Variants in RIMS1 observed in about 807,000 individuals in gnomAD.
RIMS1 encodes regulating synaptic membrane exocytosis protein 1.
A neutral mutation model predicts 214.1 loss-of-function variants in RIMS1; 83 were observed. The ratio of observed to expected loss-of-function variants is 0.39; its 90% CI spans 0.32 to 0.47. The LOEUF (loss-of-function observed/expected upper bound fraction) is 0.47. RIMS1 is among the 20% of genes least tolerant of loss of function. The pLI, the probability that RIMS1 is intolerant of heterozygous loss-of-function variation, is 0.99. For synonymous variants in RIMS1, 793 were observed against 786.8 expected, an observed-to-expected ratio of 1.01 and a Z score of -0.13; for missense variants, 2,050 against 2,161.8, an observed-to-expected ratio of 0.95 and a Z score of 1.03.
chr6:72,180,054 G>A, intron 5 of RIMS1, 139 bp downstream of exon 5: 1 of 530,520 alleles, frequency 1.9e-6, no homozygotes, highest in Non-Finnish European at 3.2e-6. Context: ...CAAAAGGCCT[G>A]AGGGGCGTTG....
intron 2 of RIMS1, among the ~76,000 whole-genome samples, chr6:71,992,404 C>CTCTCTCTTTCTTTCTTTCTT (rs1252103778): frequency 7.1e-4 from 78 of 110,152 alleles, no homozygotes; most frequent in Non-Finnish European, 1.2e-3. Context: ...TTCTCTCTCT[C>CTCTCTCTTTCTTTCTTTCTT]TCTTTCTTTC....
In RIMS1 at chr6:72,124,363, C is replaced by T. The variant is rs980513203; in HGVS notation, c.471+24377C>T. 7.9e-5 allele frequency among the ~76,000 whole-genome samples: 12 copies of T among 151,858 alleles called. 1 individual carries two copies. Among genetic ancestry groups the T allele is most frequent in the South Asian group, 4.1e-4 (2 of 4,824 alleles). ...ATCCACTGTTAGTCTAATGGGCTTCCCTTTGTGGGTAACCCGACCTTTCTC... is the reference window on the plus strand; with the variant it reads ...ATCCACTGTTAGTCTAATGGGCTTCTCTTTGTGGGTAACCCGACCTTTCTC... On this transcript the variant is annotated intron_variant, in intron 4 of 33. Transcript: ENST00000521978.
At chr6:72,279,824 T>C (rs1182617457) in intron 23 of RIMS1, among the ~76,000 whole-genome samples, 1 of 151,946 alleles carries the variant, frequency 6.6e-6, no homozygotes, top group Non-Finnish European at 1.5e-5. Context: ...GGACTAAGTT[T>C]CCTCATCTCT....
chr6:72,293,706 A>G (rs2093724493), intron 26 of RIMS1, among the ~76,000 whole-genome samples: 1 of 151,896 alleles, frequency 6.6e-6, no homozygotes, highest in East Asian at 1.9e-4. Flanking sequence ...TTATTTCTGT[A>G]GAAATAAGAA....
At chr6:72,053,878 C>T (rs1196606765) in intron 2 of RIMS1, among the ~76,000 whole-genome samples, 1 of 151,972 alleles carries the variant, frequency 6.6e-6, no homozygotes, top group Non-Finnish European at 1.5e-5. Context: ...AGTATTGAAA[C>T]CAGTCCCCAA....
At chr6:72,385,184 T>A (rs1032842377) in intron 29 of RIMS1, among the ~76,000 whole-genome samples, 2 of 152,230 alleles carry the variant, frequency 1.3e-5, no homozygotes, top group Non-Finnish European at 2.9e-5. Flanking sequence ...AGACTTTATG[T>A]CTTTATAAGG....
intron 2 of RIMS1, among the ~76,000 whole-genome samples, chr6:72,082,701 A>T (rs1833709524): frequency 6.6e-6 from 1 of 152,174 alleles, no homozygotes; most frequent in Non-Finnish European, 1.5e-5. Flanking sequence ...TATCTTCATT[A>T]TACCCTCACT....
At chr6:72,012,265 G>A (rs1233011849) in intron 2 of RIMS1, among the ~76,000 whole-genome samples, 2 of 152,070 alleles carry the variant, frequency 1.3e-5, no homozygotes, top group Non-Finnish European at 2.9e-5. Flanking sequence ...TCACTCATAG[G>A]TGGGAATTGA....
chr6:72,011,398 C>T (rs1353528173), intron 2 of RIMS1, among the ~76,000 whole-genome samples: 1 of 152,136 alleles, frequency 6.6e-6, no homozygotes, highest in South Asian at 2.1e-4. Flanking sequence ...CTAGGCAATA[C>T]CATTCAAGAC....
At chr6:72,084,724 A>G (rs1376741112) in intron 2 of RIMS1, among the ~76,000 whole-genome samples, 1 of 152,176 alleles carries the variant, frequency 6.6e-6, no homozygotes, top group Non-Finnish European at 1.5e-5. Context: ...AATTAAAAAT[A>G]AATGCTTGAC....
intron 23 of RIMS1, among the ~76,000 whole-genome samples, chr6:72,280,234 C>G (rs1591757389): frequency 1.3e-5 from 2 of 151,904 alleles, no homozygotes; most frequent in African/African-American, 4.8e-5. Flanking sequence ...ATAATCCAAA[C>G]AGACACAATT....
Position 72,179,718 on chromosome 6 carries a change from A to G in RIMS1, c.615A>G (p.Pro205=). The part of the protein sequence containing the change: ...DTATGAGSEV[P]REKKARLQER... ...CTACAGGTGCTGGCTCTGAGGTACCAAGAGAAAAGAAAGCACGACTCCAAG... is the reference window on the plus strand; with the variant it reads ...CTACAGGTGCTGGCTCTGAGGTACCGAGAGAAAAGAAAGCACGACTCCAAG... Residue 205 remains proline (P), a synonymous_variant, in exon 5 of 34, where the codon CCA becomes CCG. Coordinates refer to ENST00000521978, the MANE Select transcript of RIMS1 (RefSeq NM_014989.7). 6.2e-7 allele frequency: 1 copy of G among 1,613,926 alleles called. No individual in the cohort carries two copies.
intron 4 of RIMS1, among the ~76,000 whole-genome samples, chr6:72,175,602 G>A (rs1375389481): frequency 6.6e-6 from 1 of 152,014 alleles, no homozygotes; most frequent in Non-Finnish European, 1.5e-5. Context: ...GAACCCAAGA[G>A]GCGGAGGTTG....
intron 29 of RIMS1, among the ~76,000 whole-genome samples, chr6:72,336,662 A>G (rs185734411): frequency 3.8e-4 from 58 of 151,860 alleles, no homozygotes; most frequent in African/African-American, 1.3e-3. Flanking sequence ...TATGTGTAAA[A>G]TTTTATGCTT....
intron 2 of RIMS1, among the ~76,000 whole-genome samples, chr6:72,001,071 A>C (rs1420709102): frequency 6.6e-6 from 1 of 152,170 alleles, no homozygotes; most frequent in East Asian, 1.9e-4. Flanking sequence ...ACTGTTTCTC[A>C]GTTCAATTAA....
intron 4 of RIMS1, among the ~76,000 whole-genome samples, chr6:72,114,588 G>A (rs914346913): frequency 3.3e-5 from 5 of 151,848 alleles, no homozygotes; most frequent in African/African-American, 9.7e-5. Context: ...GGTGACATGA[G>A]CCATGCTTAA....
chr6:72,081,580 A>G (rs1833413419), intron 2 of RIMS1, among the ~76,000 whole-genome samples: 1 of 152,090 alleles, frequency 6.6e-6, no homozygotes, highest in Non-Finnish European at 1.5e-5. Context: ...CATACCATAA[A>G]ATGGTAAGTT....
chr6:71,947,765 A>G (rs1431469325), intron 1 of RIMS1, among the ~76,000 whole-genome samples: 2 of 152,158 alleles, frequency 1.3e-5, no homozygotes, highest in African/African-American at 4.8e-5. Flanking sequence ...TAGTGTATAC[A>G]TATATGAAAT....
intron 2 of RIMS1, among the ~76,000 whole-genome samples, chr6:72,095,669 A>C (rs1379652596): frequency 6.6e-6 from 1 of 152,222 alleles, no homozygotes; most frequent in Non-Finnish European, 1.5e-5. Flanking sequence ...AGAGCTATTA[A>C]GGTTAAAAAG....
Sources: allele counts gnomAD v4.1 joint callset (sites outside exome capture counted in the v4.1 genomes callset), GRCh38; gene constraint gnomAD v4.1.1; transcripts MANE v1.5; gene names NCBI Gene and HGNC (gene_info 2026-07-23, HGNC 2026-07-21).